Variants in FREM1 observed in about 807,000 individuals in gnomAD.
FREM1 encodes the protein FRAS1 related extracellular matrix 1.
Under a neutral mutation model 210.1 loss-of-function variants are expected in FREM1, and 220 were observed. That is an observed-to-expected ratio of 1.05 (90% confidence interval 0.94 to 1.17). FREM1 has a LOEUF of 1.17. Among genes scored for constraint, FREM1 ranks in the 50% most tolerant of loss-of-function variants. FREM1 has a pLI of 0.00. For missense variants in FREM1, 3,454 were observed against 2,675.5 expected (o/e 1.29, Z -6.42); for synonymous variants, 1,189 against 980.2 (o/e 1.21, Z -3.98).
At chr9:14,878,285 A>C (rs1834144017) in intron 1 of FREM1, among the ~76,000 whole-genome samples, 1 of 151,950 alleles carries the variant, frequency 6.6e-6, no homozygotes, top group South Asian at 2.1e-4. Context: ...AGCCACTCTA[A>C]TATCTTTGCT....
At chr9:14,808,811 C>A (rs1818849764) in intron 16 of FREM1, among the ~76,000 whole-genome samples, 1 of 152,152 alleles carries the variant, frequency 6.6e-6, no homozygotes, top group Admixed American at 6.5e-5. Flanking sequence ...GAAGAAGGAA[C>A]AAAATGTCAG....
chr9:14,861,320 C>CAT (rs1554708799), intron 3 of FREM1, among the ~76,000 whole-genome samples: 2 of 111,114 alleles, frequency 1.8e-5, no homozygotes, highest in African/African-American at 5.7e-5. Context: ...TACATATATA[C>CAT]ACATATATAC....
At position 14,813,059 on chromosome 9, in the gene FREM1, G is replaced by C. The variant is rs1452195341; in HGVS notation, c.2646C>G (p.Phe882Leu). 6.2e-7 allele frequency: 1 copy of C among 1,605,786 alleles called. No individual in the cohort carries two copies. The highest frequency in any genetic ancestry group is 1.1e-5 in the South Asian group (1 of 90,098). The change falls in exon 16 of 37, where the codon TTC (phenylalanine) becomes TTG (leucine). Residue 882 changes from phenylalanine (F) to leucine (L), a missense_variant. Coordinates refer to ENST00000380880, the MANE Select transcript of FREM1 (RefSeq NM_001379081.2). ...SAEFVLHVEVFPVNDEPPVLK... is the reference protein window; with the variant it reads ...SAEFVLHVEVLPVNDEPPVLK... ...AGACTGGTGGCTCATCGTTGACAGG[G>C]AATACCTAGGCAATGGAAAAAATGC... is the stretch of plus-strand genomic sequence containing the variant.
rs527880595 is a variant in FREM1, at chr9:14,800,069, T to A, written c.3694+1583A>T. ...AGTGTTTGGTTATAAATGCATTTTT[T>A]AAATTTAAACCTGAGATGATTTTTG... On this transcript the variant is annotated intron_variant, in intron 20 of 36. Transcript: ENST00000380880. Among the ~76,000 whole-genome samples, 5 of 151,932 alleles carry A rather than the reference T, an allele frequency of 3.3e-5. No homozygotes were observed. The East Asian group carries it at 5.8e-4, about 18-fold the overall frequency.
chr9:14,907,807 T>G (rs573248982), intron 1 of FREM1, among the ~76,000 whole-genome samples: 1 of 152,352 alleles, frequency 6.6e-6, no homozygotes, highest in Admixed American at 6.5e-5. Context: ...TTTAGAAGAC[T>G]GAGTCATATC....
At chr9:14,756,492 T>G (rs1340028627) in intron 28 of FREM1, 46 bp from the exon 29 acceptor site, 2 of 1,325,656 alleles carry the variant, frequency 1.5e-6, no homozygotes, top group African/African-American at 2.9e-5. Flanking sequence ...ATAAATATTC[T>G]ACAATAGAGA....
intron 1 of FREM1, among the ~76,000 whole-genome samples, chr9:14,907,298 G>A (rs1162844029): frequency 6.6e-6 from 1 of 152,234 alleles, no homozygotes; most frequent in East Asian, 1.9e-4. Flanking sequence ...AGTCACTGCA[G>A]TGAGAGAAGC....
At chr9:14,764,208 C>T (rs559669664) in intron 27 of FREM1, among the ~76,000 whole-genome samples, 1 of 152,306 alleles carries the variant, frequency 6.6e-6, no homozygotes, top group Non-Finnish European at 1.5e-5. Flanking sequence ...TGCCTTTTGC[C>T]TTCTGCCATG....
rs965143777 is a variant in FREM1, at chr9:14,797,768, G to T, written c.3695-126C>A. On this transcript the variant is annotated intron_variant, in intron 20 of 36. Transcript: ENST00000380880. ...AGAGTTCATTTATCAGTGCAGTAGG[G>T]TGAAATTAAACTTGTTTTATGAAGT... 6.3e-6 allele frequency: 4 copies of T among 638,290 alleles called. No homozygotes were observed. The African/African-American group carries it at 7.3e-5, about 12-fold the overall frequency. 39.5% of individuals were successfully genotyped at this position (638,290 alleles called of 1,614,324 possible).
At chr9:14,877,447 T>C (rs1198273212) in intron 1 of FREM1, among the ~76,000 whole-genome samples, 1 of 151,042 alleles carries the variant, frequency 6.6e-6, no homozygotes, top group African/African-American at 2.4e-5. Flanking sequence ...GTTGTTTCTT[T>C]ATGGTAGACA....
At chr9:14,851,636 A>C (rs1337338691) in intron 5 of FREM1, 29 bp from the exon 6 acceptor site, 1 of 1,493,702 alleles carries the variant, frequency 6.7e-7, no homozygotes, top group Non-Finnish European at 9.3e-7. Flanking sequence ...AATATAAAGG[A>C]GGAAATAATA....
chr9:14,833,414 G>C (rs932229657), intron 10 of FREM1, among the ~76,000 whole-genome samples: 7 of 152,186 alleles, frequency 4.6e-5, no homozygotes, highest in African/African-American at 1.7e-4. Flanking sequence ...CCTACACCCA[G>C]GGATGGTCGA....
At position 14,806,716 on chromosome 9, in the gene FREM1, G is replaced by C. The variant is rs749270798; in HGVS notation, c.3219C>G (p.Leu1073=). 6 of 1,603,662 alleles carry C rather than the reference G, an allele frequency of 3.7e-6. No homozygotes were observed. Among genetic ancestry groups the C allele is most frequent in the African/African-American group, 1.3e-5 (1 of 74,746 alleles). The change falls in exon 18 of 37, where the codon CTC becomes CTG. Residue 1073 remains leucine, a synonymous_variant. Coordinates refer to ENST00000380880, the MANE Select transcript of FREM1 (RefSeq NM_001379081.2). ...VLVSPPQFGY[L]ENILPSVGFE... ...AACCCACAGAAGGGAGTATATTTTCGAGGTAGCCAAACTGAGGAGGAGAAA... is the reference window on the plus strand; with the variant it reads ...AACCCACAGAAGGGAGTATATTTTCCAGGTAGCCAAACTGAGGAGGAGAAA...
intron 19 of FREM1, among the ~76,000 whole-genome samples, chr9:14,804,434 A>T (rs1479894414): frequency 6.6e-6 from 1 of 152,056 alleles, no homozygotes; most frequent in Non-Finnish European, 1.5e-5. Flanking sequence ...AAATACAAAA[A>T]ATTAGCCGGG....
chr9:14,753,981 G>C (rs1198944101), intron 29 of FREM1, among the ~76,000 whole-genome samples: 2 of 152,098 alleles, frequency 1.3e-5, no homozygotes, highest in African/African-American at 4.8e-5. Context: ...AACAGCATGT[G>C]AGCTCTTCTA....
At chr9:14,747,924 T>C (rs1056666714) in intron 31 of FREM1, among the ~76,000 whole-genome samples, 196 bp from the exon 32 acceptor site, 7 of 152,230 alleles carry the variant, frequency 4.6e-5, no homozygotes, top group Non-Finnish European at 8.8e-5. Context: ...GTTGTGTGGA[T>C]TCACACATAC....
chr9:14,878,359 T>C (rs1834155138), intron 1 of FREM1, among the ~76,000 whole-genome samples: 1 of 152,074 alleles, frequency 6.6e-6, no homozygotes, highest in Non-Finnish European at 1.5e-5. Flanking sequence ...CTCTCACTTC[T>C]GTTGTCTCTG....
At chr9:14,856,367 T>A (rs990247580) in intron 5 of FREM1, among the ~76,000 whole-genome samples, 11 of 152,220 alleles carry the variant, frequency 7.2e-5, no homozygotes, top group Non-Finnish European at 1.5e-4. Flanking sequence ...TCAATTTGAC[T>A]AGTCTGCCTC....
At chr9:14,760,404 G>C (rs1057004101) in intron 27 of FREM1, among the ~76,000 whole-genome samples, 1 of 152,092 alleles carries the variant, frequency 6.6e-6, no homozygotes, top group African/African-American at 2.4e-5. Context: ...GGATGTGCTT[G>C]GGAATTAAAA....
Sources: allele counts gnomAD v4.1 joint callset (sites outside exome capture counted in the v4.1 genomes callset), GRCh38; gene constraint gnomAD v4.1.1; transcripts MANE v1.5; gene names NCBI Gene and HGNC (gene_info 2026-07-23, HGNC 2026-07-21).